Variants in RPH3A observed in about 807,000 individuals in gnomAD.
RPH3A encodes rabphilin 3A.
In RPH3A, 48 loss-of-function variants were observed where a neutral mutation model predicts 102.2. The ratio of observed to expected loss-of-function variants is 0.47; its 90% CI spans 0.37 to 0.60. The LOEUF is 0.60. Ranked by LOEUF, RPH3A falls within the 20% of genes least tolerant of loss-of-function variation. RPH3A has a pLI of 0.00. For missense variants in RPH3A, 781 were observed against 910.1 expected, an observed-to-expected ratio of 0.86 and a Z score of 1.83; for synonymous variants, 310 against 324.3, an observed-to-expected ratio of 0.96 and a Z score of 0.47.
At chr12:112,847,161 C>A (rs555893645) in intron 4 of RPH3A, among the ~76,000 whole-genome samples, 22 of 151,992 alleles carry the variant, frequency 1.4e-4, no homozygotes, top group Admixed American at 3.9e-4. Flanking sequence ...TGTCAGTGTT[C>A]GCTTAAAAAG....
intron 1 of RPH3A, among the ~76,000 whole-genome samples, chr12:112,722,535 C>T (rs2040558455): frequency 6.6e-6 from 1 of 152,222 alleles, no homozygotes; most frequent in Admixed American, 6.5e-5. Flanking sequence ...CATCAATATA[C>T]TCAGCTGAAA....
chr12:112,782,878 T>C (rs1310281967), intron 1 of RPH3A, among the ~76,000 whole-genome samples: 2 of 152,262 alleles, frequency 1.3e-5, no homozygotes, highest in Non-Finnish European at 2.9e-5. Context: ...TGATCATCTC[T>C]GCACGTACAT....
At chr12:112,767,888 A>T (rs971693619) in intron 1 of RPH3A, among the ~76,000 whole-genome samples, 1 of 152,214 alleles carries the variant, frequency 6.6e-6, no homozygotes, top group African/African-American at 2.4e-5. Flanking sequence ...ACATGATTTT[A>T]TTTGTATAAA....
At chr12:112,650,380 A>G (rs1350555502) in intron 1 of RPH3A, among the ~76,000 whole-genome samples, 1 of 152,220 alleles carries the variant, frequency 6.6e-6, no homozygotes, top group Non-Finnish European at 1.5e-5. Context: ...CTGAGAAGAC[A>G]GGCTTGATCA....
At chr12:112,808,141 C>T (rs1024890289) in intron 2 of RPH3A, among the ~76,000 whole-genome samples, 2 of 152,154 alleles carry the variant, frequency 1.3e-5, no homozygotes, top group South Asian at 2.1e-4. Context: ...CCTAATGGGT[C>T]ATTAAACAGC....
rs2040937166 is a variant in RPH3A, at chr12:112,772,884, C to G, written c.-139-19259C>G. Among the ~76,000 whole-genome samples the G allele has an allele frequency of 2.6e-5, 4 of 152,030 alleles. 1 individual carries two copies. In the South Asian group the frequency reaches 8.3e-4, roughly 32 times the overall value. ...ATTTGTAGTCTTTTATCCCTCACCCCCTCCCACTCTTCCCCTCAAGTATCC... is the reference window on the plus strand; with the variant it reads ...ATTTGTAGTCTTTTATCCCTCACCCGCTCCCACTCTTCCCCTCAAGTATCC... On this transcript the variant is annotated intron_variant, in intron 1 of 21. Coordinates refer to the RPH3A transcript ENST00000543106.
chr12:112,647,240 G>A (rs1390783051), intron 1 of RPH3A, among the ~76,000 whole-genome samples: 1 of 151,994 alleles, frequency 6.6e-6, no homozygotes, highest in Non-Finnish European at 1.5e-5. Flanking sequence ...CCCACCTCAA[G>A]CCATTTGTTG....
intron 5 of RPH3A, among the ~76,000 whole-genome samples, chr12:112,850,248 T>C (rs887909393): frequency 1.3e-5 from 2 of 152,156 alleles, no homozygotes; most frequent in African/African-American, 4.8e-5. Context: ...AGTATTTAAT[T>C]AGCATGCAAA....
At chr12:112,645,233 A>AT (rs1566240440) in intron 1 of RPH3A, among the ~76,000 whole-genome samples, 4 of 152,110 alleles carry the variant, frequency 2.6e-5, no homozygotes, top group African/African-American at 9.7e-5. Context: ...GCCACCCTGG[A>AT]TTTTTTCCCC....
chr12:112,716,731 G>T (rs1565858880), intron 1 of RPH3A, among the ~76,000 whole-genome samples: 3 of 152,206 alleles, frequency 2.0e-5, no homozygotes, highest in Admixed American at 6.5e-5. Context: ...TAAAACTTTG[G>T]ATTATTATTG....
intron 1 of RPH3A, among the ~76,000 whole-genome samples, chr12:112,652,900 T>C (rs891530743): frequency 4.6e-5 from 7 of 152,166 alleles, no homozygotes; most frequent in Non-Finnish European, 1.0e-4. Context: ...TTGACTGTCA[T>C]AGAGTATACT....
At position 112,661,526 on chromosome 12, in the gene RPH3A, T is replaced by G. The variant is rs1160579160; in HGVS notation, c.-140+86207T>G. On this transcript the variant is annotated intron_variant, in intron 1 of 21. Coordinates refer to the RPH3A transcript ENST00000543106. ...GTGCACCTGGGATTCTTGTTTAGGT[T>G]TTAGGAAATAGCGTGTTTTATTTAA... Among the ~76,000 whole-genome samples the G allele has an allele frequency of 2.0e-5, 3 of 152,144 alleles. No homozygotes were observed. In the South Asian group the frequency reaches 6.2e-4, roughly 32 times the overall value.
chr12:112,616,300 C>A (rs995844327), intron 1 of RPH3A, among the ~76,000 whole-genome samples: 4 of 152,182 alleles, frequency 2.6e-5, no homozygotes, highest in Non-Finnish European at 5.9e-5. Context: ...GCACCTGCCA[C>A]CATGCCTGGC....
chr12:112,841,706 G>GTTTTTTTT lies in RPH3A; in HGVS notation c.83+5204_83+5205insTTTTTTTT, dbSNP rs150878418. Among the ~76,000 whole-genome samples the GTTTTTTTT allele has an allele frequency of 2.8e-5, 4 of 145,066 alleles. 1 individual carries two copies. Among genetic ancestry groups the GTTTTTTTT allele is most frequent in the Non-Finnish European group, 3.0e-5 (2 of 66,874 alleles). ...AAGCTTGAGTTTTTTTTGTTTTTTT[G>GTTTTTTTT]GTTTTTTTTTTTTTTCCATTGCATC... On this transcript the variant is annotated intron_variant, in intron 4 of 21. Transcript: ENST00000389385.
intron 2 of RPH3A, among the ~76,000 whole-genome samples, chr12:112,800,723 A>AG (rs1468999674): frequency 1.3e-5 from 2 of 152,018 alleles, no homozygotes; most frequent in African/African-American, 2.4e-5. Flanking sequence ...ATCAGACATA[A>AG]GGGGAGAAGG....
intron 1 of RPH3A, among the ~76,000 whole-genome samples, chr12:112,610,140 G>A (rs1429428185): frequency 6.6e-6 from 1 of 152,130 alleles, no homozygotes; most frequent in East Asian, 1.9e-4. Context: ...TTCCACCTCT[G>A]CATTTGCTGT....
intron 5 of RPH3A, among the ~76,000 whole-genome samples, chr12:112,857,611 G>A (rs889749246): frequency 2.2e-4 from 34 of 152,186 alleles, no homozygotes; most frequent in African/African-American, 8.2e-4. Flanking sequence ...GCCTTCAGAA[G>A]GATTGAAGCC....
At chr12:112,668,058 A>G (rs2040100250) in intron 1 of RPH3A, among the ~76,000 whole-genome samples, 1 of 152,090 alleles carries the variant, frequency 6.6e-6, no homozygotes, top group Non-Finnish European at 1.5e-5. Flanking sequence ...CCCCCATGTT[A>G]TACACTTCCA....
At chr12:112,826,729 T>C (rs1195632926) in intron 2 of RPH3A, among the ~76,000 whole-genome samples, 1 of 152,220 alleles carries the variant, frequency 6.6e-6, no homozygotes, top group African/African-American at 2.4e-5. Flanking sequence ...AAACATAACA[T>C]CTATGGGTTC....
Sources: gnomAD v4.1 joint callset for allele counts (sites outside exome capture counted in the v4.1 genomes callset) on GRCh38, gnomAD v4.1.1 for gene constraint, MANE v1.5 for transcripts, NCBI Gene and HGNC (gene_info 2026-07-23, HGNC 2026-07-21) for gene names.